The following RAD54L2 variants were observed in gnomAD, a reference collection of about 807,000 sequenced individuals.
The protein encoded by RAD54L2 is helicase ARIP4.
A neutral mutation model predicts 138.4 loss-of-function variants in RAD54L2; 27 were observed. The ratio of observed to expected loss-of-function variants is 0.20; its 90% CI spans 0.14 to 0.27. The LOEUF (loss-of-function observed/expected upper bound fraction) is 0.27, where lower values mean the gene tolerates loss of function less well. Among genes scored for constraint, RAD54L2 ranks in the 10% least tolerant of loss-of-function variants. RAD54L2 has a pLI of 1.00. For missense variants in RAD54L2, 1,396 were observed against 1,890.2 expected (o/e 0.74, Z 4.85); for synonymous variants, 644 against 723.2 (o/e 0.89, Z 1.76).
chr3:51,582,378 A>AT (rs1699627537), intron 2 of RAD54L2, among the ~76,000 whole-genome samples: 3 of 65,072 alleles, frequency 4.6e-5, no homozygotes, highest in Non-Finnish European at 1.4e-4. Context: ...CAGAGATCTT[A>AT]TTTTTTTCCT....
At chr3:51,644,097 G>T (rs376353354) in intron 16 of RAD54L2, 123 bp downstream of exon 16, 4 of 718,646 alleles carry the variant, frequency 5.6e-6, no homozygotes, top group African/African-American at 5.5e-5. Flanking sequence ...CTTGTTTCTG[G>T]GGTCAGAGAG....
At chr3:51,603,310 AAAAT>A (rs1300486221) in intron 3 of RAD54L2, among the ~76,000 whole-genome samples, 1 of 152,114 alleles carries the variant, frequency 6.6e-6, no homozygotes, top group East Asian at 1.9e-4. Context: ...TTTGTCTCAG[AAAAT>A]AAATAAATAG....
intron 2 of RAD54L2, among the ~76,000 whole-genome samples, chr3:51,554,299 G>C (rs903291009): frequency 6.6e-6 from 1 of 151,566 alleles, no homozygotes; most frequent in Admixed American, 6.6e-5. Context: ...CCCTGGAAGC[G>C]GAGGTTGCAG....
intron 2 of RAD54L2, among the ~76,000 whole-genome samples, chr3:51,571,041 G>T (rs924787997): frequency 6.6e-6 from 1 of 151,826 alleles, no homozygotes; most frequent in Non-Finnish European, 1.5e-5. Context: ...GGCTGATCCC[G>T]AACTCCTGGC....
intron 16 of RAD54L2, 46 bp from the exon 17 acceptor site, chr3:51,644,978 T>G (rs1263072175): frequency 3.7e-6 from 6 of 1,604,156 alleles, no homozygotes; most frequent in Non-Finnish European, 5.1e-6. Flanking sequence ...TTTGAAAACC[T>G]TTTTTAAGAC....
At position 51,639,452 on chromosome 3, in the gene RAD54L2, C is replaced by A. The variant is rs751211372; in HGVS notation, c.1894C>A (p.Leu632Ile). Residue 632 changes from leucine (L) to isoleucine (I), a missense_variant, in exon 13 of 23, where the codon CTT becomes ATT. By Grantham distance (5) the Leu-to-Ile change is conservative. Transcript: ENST00000684192. Reference sequence around the variant, plus strand: ...TCACCCTGATGTGCTGTATGAAGCCCTTCAGAAGGAGAGCTTGGCCAATGA... The same window carrying A: ...TCACCCTGATGTGCTGTATGAAGCCATTCAGAAGGAGAGCTTGGCCAATGA... Reference protein sequence around the residue: ...WNHPDVLYEALQKESLANEQD... With the variant: ...WNHPDVLYEAIQKESLANEQD... The A allele has an allele frequency of 4.3e-6, 7 of 1,613,962 alleles. No homozygotes were observed. The highest frequency in any genetic ancestry group is 5.9e-6 in the Non-Finnish European group (7 of 1,179,884).
chr3:51,654,744 C>T (rs1482157041), intron 19 of RAD54L2, among the ~76,000 whole-genome samples: 1 of 152,146 alleles, frequency 6.6e-6, no homozygotes, highest in Admixed American at 6.5e-5. Context: ...ATGGTCCAGA[C>T]TAGCTATAAG....
intron 3 of RAD54L2, among the ~76,000 whole-genome samples, chr3:51,617,488 A>G (rs1387466605): frequency 6.6e-6 from 1 of 152,104 alleles, no homozygotes; most frequent in East Asian, 1.9e-4. Flanking sequence ...TTCATTGGCT[A>G]TTTGTATGTC....
At chr3:51,659,267 G>A (rs1053487847) in intron 21 of RAD54L2, among the ~76,000 whole-genome samples, 4 of 151,650 alleles carry the variant, frequency 2.6e-5, no homozygotes, top group East Asian at 3.9e-4. Context: ...CACCACGCCC[G>A]GCTAATTTTT....
chr3:51,633,983 G>A lies in RAD54L2; in HGVS notation c.1090G>A (p.Glu364Lys), dbSNP rs776014971. The change falls in exon 9 of 23, where the codon GAA becomes AAA. Residue 364 changes from glutamate (E) to lysine (K), a missense_variant. Coordinates refer to ENST00000684192, the MANE Select transcript of RAD54L2 (RefSeq NM_015106.4). ...PEALPADNKP[E>K]EVQPRFFKVH... Reference sequence around the variant, plus strand: ...AGCCCTCCCGGCTGACAACAAGCCTGAAGAAGTCCAGCCTCGGTTCTTTAA... The same window carrying A: ...AGCCCTCCCGGCTGACAACAAGCCTAAAGAAGTCCAGCCTCGGTTCTTTAA... 1.2e-6 allele frequency: 2 copies of A among 1,613,960 alleles called. No individual in the cohort carries two copies. Among genetic ancestry groups the A allele is most frequent in the East Asian group, 2.2e-5 (1 of 44,888 alleles).
At position 51,662,318 on chromosome 3, in the gene RAD54L2, A is replaced by G; in HGVS notation, c.3410-108A>G. 2 of 1,030,830 alleles carry G rather than the reference A, an allele frequency of 1.9e-6. No homozygotes were observed. Among genetic ancestry groups the G allele is most frequent in the East Asian group, 5.6e-5 (2 of 35,740 alleles). 63.9% of individuals were successfully genotyped at this position (1,030,830 alleles called of 1,614,324 possible). A position where few individuals can be genotyped will look rare whatever the true frequency, so the allele number is the denominator to read the frequency against. ...GATGTTGTTCAGACATCAAACTATT[A>G]GAATTTTGGGGACTACAGGACAGGA... On this transcript the variant is annotated intron_variant, in intron 22 of 22. Transcript: ENST00000684192. This position sits in a 1 kb window ranked among gnomAD's most constrained non-coding sequence, Gnocchi z 4.6.
intron 2 of RAD54L2, among the ~76,000 whole-genome samples, chr3:51,542,836 G>C (rs1698587738): frequency 6.6e-6 from 1 of 152,186 alleles, no homozygotes; most frequent in South Asian, 2.1e-4. Flanking sequence ...GGCAGTAGAA[G>C]GTTTTTTCCT....
In RAD54L2 at chr3:51,662,344, T is replaced by A. The variant is rs1481529585; in HGVS notation, c.3410-82T>A. 2.2e-5 allele frequency: 29 copies of A among 1,318,302 alleles called. No homozygotes were observed. The highest frequency in any genetic ancestry group is 3.0e-5 in the Non-Finnish European group (29 of 981,530). The allele number at this position is 1,318,302 out of a possible 1,614,324, so 81.7% of individuals were successfully genotyped here. On this transcript the variant is annotated intron_variant, in intron 22 of 22. Coordinates refer to ENST00000684192, the MANE Select transcript of RAD54L2 (RefSeq NM_015106.4). This position sits in a 1 kb window ranked among gnomAD's most constrained non-coding sequence, Gnocchi z 4.6. ...GAATTTTGGGGACTACAGGACAGGA[T>A]TTTTTTTAATGGAGTTTTCTCCTCT...
At chr3:51,612,891 T>G (rs935157892) in intron 3 of RAD54L2, among the ~76,000 whole-genome samples, 1 of 152,190 alleles carries the variant, frequency 6.6e-6, no homozygotes, top group African/African-American at 2.4e-5. Flanking sequence ...AAATTTTTCT[T>G]GATATTACCC....
chr3:51,631,986 C>G (rs1700856461), intron 7 of RAD54L2, among the ~76,000 whole-genome samples: 1 of 152,112 alleles, frequency 6.6e-6, no homozygotes. Flanking sequence ...TCCCCCTCCT[C>G]TCCCTTCTCA....
At chr3:51,632,136 T>G (rs772959742) in intron 7 of RAD54L2, among the ~76,000 whole-genome samples, 1 of 152,248 alleles carries the variant, frequency 6.6e-6, no homozygotes, top group Non-Finnish European at 1.5e-5. Context: ...GTTCCATCCA[T>G]GTTGCTGCAA....
Position 51,638,384 on chromosome 3 carries a change from TTACTCC to T in RAD54L2, c.1860+68_1860+73del. 1.3e-6 allele frequency: 2 copies of T among 1,576,080 alleles called. No homozygotes were observed. The highest frequency in any genetic ancestry group is 1.7e-6 in the Non-Finnish European group (2 of 1,151,332). On this transcript the variant is annotated intron_variant, in intron 12 of 22. Coordinates refer to ENST00000684192, the MANE Select transcript of RAD54L2 (RefSeq NM_015106.4). The surrounding 1 kb of genome is among the most constrained non-coding windows in gnomAD (Gnocchi z 4.3). ...AAGGATACACATGGTCCCAAGGGAG[TTACTCC>T]TACTGAGAGTCTTCAATAAAGGGAG...
intron 3 of RAD54L2, among the ~76,000 whole-genome samples, chr3:51,608,846 C>T (rs1006274125): frequency 3.3e-5 from 5 of 151,966 alleles, no homozygotes; most frequent in East Asian, 1.9e-4. Context: ...AGAGGGAGAC[C>T]GTGCAAAGAG....
At position 51,666,572 on chromosome 3, in the gene RAD54L2, T is replaced by A. The variant is rs1425550313; in HGVS notation, c.*3152T>A. ...ACACAGTACTACTTAATGATTGAGG[T>A]TTACCATTTATAGTGATGCTTGATT... is the stretch of plus-strand genomic sequence containing the variant. On this transcript the variant is annotated 3_prime_UTR_variant, in exon 23 of 23. Transcript: ENST00000684192. 6.6e-6 allele frequency: 1 copy of A among 152,158 alleles called. No homozygotes were observed. Among genetic ancestry groups the A allele is most frequent in the Non-Finnish European group, 1.5e-5 (1 of 68,016 alleles). The allele number at this position is 152,158 out of a possible 1,614,324, so 9.4% of individuals were successfully genotyped here.
Sources: allele counts gnomAD v4.1 joint callset (sites outside exome capture counted in the v4.1 genomes callset), GRCh38; gene constraint gnomAD v4.1.1; non-coding constraint Gnocchi (gnomAD v3.1); transcripts MANE v1.5; gene names NCBI Gene and HGNC (gene_info 2026-07-23, HGNC 2026-07-21).